The following ANGPT1 variants were observed in gnomAD, a reference collection of about 807,000 sequenced individuals.
The protein encoded by ANGPT1 is angiopoietin 1, also known as angiopoietin-1.
A neutral mutation model predicts 62.2 loss-of-function variants in ANGPT1; 17 were observed. The observed-to-expected ratio is 0.27, with a 90% CI of 0.19 to 0.41. The LOEUF (loss-of-function observed/expected upper bound fraction) is 0.41, where lower values mean the gene tolerates loss of function less well. Ranked by LOEUF, ANGPT1 falls within the 10% of genes least tolerant of loss-of-function variation. The probability of loss-of-function intolerance (pLI) is 1.00; values close to 1 mark genes in which losing one functional copy is unlikely to be tolerated. For missense variants in ANGPT1, 478 were observed against 594.9 expected, an observed-to-expected ratio of 0.80 and a Z score of 2.04; for synonymous variants, 199 against 198.9, an observed-to-expected ratio of 1.00 and a Z score of 0.00.
chr8:107,465,420 CAATTG>C (rs1353675165), intron 1 of ANGPT1, among the ~76,000 whole-genome samples: 1 of 152,106 alleles, frequency 6.6e-6, no homozygotes, highest in East Asian at 1.9e-4. Flanking sequence ...AATATAAAAC[CAATTG>C]AATTGGACTA....
intron 1 of ANGPT1, among the ~76,000 whole-genome samples, chr8:107,436,620 A>C (rs972071606): frequency 6.6e-6 from 1 of 152,166 alleles, no homozygotes; most frequent in African/African-American, 2.4e-5. Context: ...ATCTTCATTT[A>C]TCGTCTGCAG....
intron 1 of ANGPT1, among the ~76,000 whole-genome samples, chr8:107,354,761 C>T (rs1001972733): frequency 6.6e-6 from 1 of 152,080 alleles, no homozygotes; most frequent in African/African-American, 2.4e-5. Flanking sequence ...AAATATATTC[C>T]TTGTCTTTCT....
chr8:107,330,058 C>T (rs1356385013), intron 3 of ANGPT1, among the ~76,000 whole-genome samples: 1 of 151,944 alleles, frequency 6.6e-6, no homozygotes, highest in East Asian at 1.9e-4. Flanking sequence ...AATGAGTTTC[C>T]AAGGATGAAC....
intron 1 of ANGPT1, among the ~76,000 whole-genome samples, chr8:107,432,405 C>A (rs971247730): frequency 2.6e-5 from 4 of 152,160 alleles, no homozygotes; most frequent in Non-Finnish European, 5.9e-5. Flanking sequence ...TGGCTCACGC[C>A]TGTAATCCCA....
chr8:107,455,418 C>A (rs1439155822), intron 1 of ANGPT1, among the ~76,000 whole-genome samples: 3 of 152,022 alleles, frequency 2.0e-5, no homozygotes, highest in African/African-American at 7.2e-5. Flanking sequence ...TCATTGAATT[C>A]TCTGCTTACA....
chr8:107,440,347 A>T (rs1441656240), intron 1 of ANGPT1, among the ~76,000 whole-genome samples: 1 of 152,188 alleles, frequency 6.6e-6, no homozygotes. Context: ...ACACTTACTC[A>T]TTTAGATCTA....
At chr8:107,417,966 T>C (rs1225607545) in intron 1 of ANGPT1, among the ~76,000 whole-genome samples, 1 of 152,164 alleles carries the variant, frequency 6.6e-6, no homozygotes, top group Non-Finnish European at 1.5e-5. Context: ...GTAAATAGAA[T>C]TGTTCTGTCT....
chr8:107,284,851 G>A lies in ANGPT1; in HGVS notation c.1039-3C>T. 8.8e-6 allele frequency: 14 copies of A among 1,592,284 alleles called. No homozygotes were observed. Among genetic ancestry groups the A allele is most frequent in the Non-Finnish European group, 1.2e-5 (14 of 1,166,532 alleles). On this transcript the variant is annotated splice_region_variant and splice_polypyrimidine_tract_variant and intron_variant, in intron 6 of 8. Transcript: ENST00000517746. ...TCACCGGAGGGATTTCCAAAACCCT[G>A]GGAAACAATATAGAGATGCAGTTGT...
At chr8:107,307,192 C>T (rs145521874) in intron 4 of ANGPT1, among the ~76,000 whole-genome samples, 3 of 152,094 alleles carry the variant, frequency 2.0e-5, no homozygotes, top group East Asian at 1.9e-4. Flanking sequence ...CACTGCTTTC[C>T]GAGCCTCCCT....
At chr8:107,301,213 G>A (rs911368531) in intron 5 of ANGPT1, among the ~76,000 whole-genome samples, 4 of 151,824 alleles carry the variant, frequency 2.6e-5, no homozygotes, top group Non-Finnish European at 5.9e-5. Context: ...ATTATTTTTC[G>A]ATTCATTTAT....
At chr8:107,296,493 T>C (rs574593653) in intron 5 of ANGPT1, among the ~76,000 whole-genome samples, 117 of 152,084 alleles carry the variant, frequency 7.7e-4, no homozygotes, top group Non-Finnish European at 1.5e-3. Context: ...ATAACTTCAA[T>C]TTGAATGAAG....
At chr8:107,481,762 A>T (rs1333506239) in intron 1 of ANGPT1, among the ~76,000 whole-genome samples, 1 of 152,114 alleles carries the variant, frequency 6.6e-6, no homozygotes, top group African/African-American at 2.4e-5. Flanking sequence ...ATGAGTCCCG[A>T]GCGAAGGGGG....
rs1298543252 is a variant in ANGPT1 at position 107,497,884 on chromosome 8, ACCCTTT to A, written c.-332_-327del. 4 of 479,304 alleles carry A rather than the reference ACCCTTT, an allele frequency of 8.3e-6. No homozygotes were observed. Among genetic ancestry groups the A allele is most frequent in the Admixed American group, 3.9e-5 (1 of 25,904 alleles). 29.7% of individuals were successfully genotyped at this position (479,304 alleles called of 1,614,324 possible). A position where few individuals can be genotyped will look rare whatever the true frequency, so the allele number is the denominator to read the frequency against. On this transcript the variant is annotated 5_prime_UTR_variant, in exon 1 of 9. Coordinates refer to ENST00000517746, the MANE Select transcript of ANGPT1 (RefSeq NM_001146.5). ...AGTCAGCTGCGTGTACATATTCTAG[ACCCTTT>A]CCTCTACCCTATCTGCTGCAGATCT...
intron 1 of ANGPT1, among the ~76,000 whole-genome samples, chr8:107,495,491 A>C (rs1220910262): frequency 6.6e-6 from 1 of 152,220 alleles, no homozygotes; most frequent in East Asian, 1.9e-4. Flanking sequence ...CTGCTGAATA[A>C]TTGCATAGCA....
intron 6 of ANGPT1, among the ~76,000 whole-genome samples, chr8:107,291,223 C>T (rs1814263143): frequency 6.6e-6 from 1 of 152,092 alleles, no homozygotes; most frequent in African/African-American, 2.4e-5. Flanking sequence ...AAAATAACTA[C>T]TGTTCACTGA....
intron 1 of ANGPT1, among the ~76,000 whole-genome samples, chr8:107,364,214 G>C (rs1393153172): frequency 1.3e-5 from 2 of 152,092 alleles, no homozygotes; most frequent in Non-Finnish European, 2.9e-5. Flanking sequence ...GATGTTTTTA[G>C]TTATATGATT....
At chr8:107,309,596 A>G (rs1563561938) in intron 4 of ANGPT1, among the ~76,000 whole-genome samples, 1 of 152,222 alleles carries the variant, frequency 6.6e-6, no homozygotes, top group Non-Finnish European at 1.5e-5. Context: ...CCAAGTTTCA[A>G]TATTTTATGG....
intron 1 of ANGPT1, among the ~76,000 whole-genome samples, chr8:107,396,864 T>C (rs1816947352): frequency 6.6e-6 from 1 of 151,962 alleles, no homozygotes; most frequent in Non-Finnish European, 1.5e-5. Context: ...ATACTTACAG[T>C]TTTATTTCCT....
At chr8:107,383,091 C>A (rs1816670452) in intron 1 of ANGPT1, among the ~76,000 whole-genome samples, 1 of 152,116 alleles carries the variant, frequency 6.6e-6, no homozygotes, top group Non-Finnish European at 1.5e-5. Flanking sequence ...TGTACAGAAA[C>A]CAATTACTGC....
Sources: allele counts gnomAD v4.1 joint callset (sites outside exome capture counted in the v4.1 genomes callset), GRCh38; gene constraint gnomAD v4.1.1; transcripts MANE v1.5; gene names NCBI Gene and HGNC (gene_info 2026-07-23, HGNC 2026-07-21).